Variants in THADA observed in about 807,000 individuals in gnomAD.
The protein encoded by THADA is THADA armadillo repeat containing, also known as tRNA (32-2'-O)-methyltransferase regulator THADA.
In THADA, 213 loss-of-function variants were observed where a neutral mutation model predicts 219.8. The observed-to-expected ratio is 0.97, with a 90% CI of 0.87 to 1.09. The LOEUF is 1.09. Among genes scored for constraint, THADA ranks in the 50% least tolerant of loss-of-function variants. The pLI is 0.00. For synonymous variants in THADA, 1,018 were observed against 828.9 expected, an observed-to-expected ratio of 1.23 and a Z score of -3.92; for missense variants, 2,956 against 2,311.3, an observed-to-expected ratio of 1.28 and a Z score of -5.72.
intron 22 of THADA, among the ~76,000 whole-genome samples, chr2:43,511,970 C>A (rs1026251643): frequency 6.6e-6 from 1 of 152,088 alleles, no homozygotes; most frequent in Non-Finnish European, 1.5e-5. Context: ...AGAGGCAATT[C>A]CCTAATTTAA....
chr2:43,510,688 C>A (rs927340594), intron 22 of THADA, among the ~76,000 whole-genome samples: 1 of 150,220 alleles, frequency 6.7e-6, no homozygotes, highest in East Asian at 1.9e-4. Context: ...AAAATTGGGC[C>A]GGGTGAGCAC....
At chr2:43,420,449 C>G (rs925191782) in intron 28 of THADA, among the ~76,000 whole-genome samples, 12 of 152,192 alleles carry the variant, frequency 7.9e-5, no homozygotes, top group African/African-American at 2.9e-4. Flanking sequence ...ATTCTAACTT[C>G]TAGTATGAAT....
At chr2:43,417,710 C>G (rs1677171810) in intron 28 of THADA, among the ~76,000 whole-genome samples, 1 of 152,132 alleles carries the variant, frequency 6.6e-6, no homozygotes, top group Non-Finnish European at 1.5e-5. Context: ...TGAGCAAAAG[C>G]AAGTATTACA....
At chr2:43,498,247 G>T (rs1396945456) in intron 25 of THADA, among the ~76,000 whole-genome samples, 1 of 152,122 alleles carries the variant, frequency 6.6e-6, no homozygotes, top group African/African-American at 2.4e-5. Flanking sequence ...ATGGGAGTTA[G>T]TGTTTAATGA....
chr2:43,445,728 C>T (rs778710871), intron 26 of THADA, among the ~76,000 whole-genome samples: 3 of 152,098 alleles, frequency 2.0e-5, no homozygotes, highest in Non-Finnish European at 4.4e-5. Flanking sequence ...GCTAAGAGTG[C>T]GGTAGCACAG....
Position 43,551,769 on chromosome 2 carries a change from G to A in THADA, c.2947+20C>T, listed in dbSNP as rs1303546660. On this transcript the variant is annotated intron_variant, in intron 19 of 37. Coordinates refer to ENST00000405975, the MANE Select transcript of THADA (RefSeq NM_022065.5). ...ATAATCAAACCACAGCACTCTAGCC[G>A]GCCTTCTTCATTTGCTAACCTGAAT... 1.0e-5 allele frequency: 16 copies of A among 1,606,194 alleles called. No individual in the cohort carries two copies. Among genetic ancestry groups the A allele is most frequent in the East Asian group, 2.2e-5 (1 of 44,782 alleles).
intron 26 of THADA, among the ~76,000 whole-genome samples, chr2:43,448,429 T>C (rs1225578113): frequency 6.6e-6 from 1 of 152,154 alleles, no homozygotes; most frequent in Non-Finnish European, 1.5e-5. Flanking sequence ...TGGTTGCTGT[T>C]CTGATCTTGG....
chr2:43,272,450 T>C lies in THADA; in HGVS notation c.5296+7315A>G, dbSNP rs35800486. Reference sequence around the variant, plus strand: ...CTTGGACTAGCACATGAAACAAGCCTGGCGGACAGGCACTTTCTAAGTATT... The same window carrying C: ...CTTGGACTAGCACATGAAACAAGCCCGGCGGACAGGCACTTTCTAAGTATT... On this transcript the variant is annotated intron_variant, in intron 36 of 37. Coordinates refer to ENST00000405975, the MANE Select transcript of THADA (RefSeq NM_022065.5). 8.1e-3 allele frequency among the ~76,000 whole-genome samples: 1,230 copies of C among 152,274 alleles called. 10 individuals are homozygous for C. Among genetic ancestry groups the C allele is most frequent in the Middle Eastern group, 0.024 (7 of 294 alleles).
chr2:43,591,826 T>A (rs1701612010), intron 3 of THADA, 126 bp downstream of exon 3: 1 of 546,182 alleles, frequency 1.8e-6, no homozygotes, highest in South Asian at 4.8e-5. Context: ...AAAAAAAAAA[T>A]ACTTATTTGC....
intron 31 of THADA, among the ~76,000 whole-genome samples, chr2:43,293,450 A>C (rs940844972): frequency 6.6e-6 from 1 of 152,148 alleles, no homozygotes; most frequent in Admixed American, 6.5e-5. Flanking sequence ...TACTATTAGA[A>C]AATGCGTTCC....
At chr2:43,475,219 C>A (rs778754738) in intron 26 of THADA, among the ~76,000 whole-genome samples, 8 of 151,990 alleles carry the variant, frequency 5.3e-5, no homozygotes, top group Non-Finnish European at 1.0e-4. Context: ...GAATTTGAGA[C>A]CAGCCTGGGC....
chr2:43,476,599 A>G (rs1685578400), intron 26 of THADA, among the ~76,000 whole-genome samples: 1 of 152,210 alleles, frequency 6.6e-6, no homozygotes, highest in Admixed American at 6.5e-5. Flanking sequence ...ATGTTAACAG[A>G]CGGTGCTATT....
At chr2:43,303,535 C>G (rs1289980777) in intron 31 of THADA, among the ~76,000 whole-genome samples, 2 of 151,758 alleles carry the variant, frequency 1.3e-5, no homozygotes, top group Non-Finnish European at 2.9e-5. Flanking sequence ...TTCACCTTTG[C>G]TCTTCTGAGC....
In THADA at chr2:43,549,443, C is replaced by CA. The variant is rs1696490857; in HGVS notation, c.2948-76dup. Reference sequence around the variant, plus strand: ...CAGATTTCCCTTGGGGATGCTTACTCAAAAAATCTATAATTTTCAATACTT... The same window carrying CA: ...CAGATTTCCCTTGGGGATGCTTACTCAAAAAAATCTATAATTTTCAATACTT... On this transcript the variant is annotated intron_variant, in intron 19 of 37. Coordinates refer to ENST00000405975, the MANE Select transcript of THADA (RefSeq NM_022065.5). The CA allele has an allele frequency of 7.8e-6, 11 of 1,418,582 alleles. 1 individual carries two copies. In the South Asian group the frequency reaches 9.7e-5, roughly 13 times the overall value. 87.9% of individuals were successfully genotyped at this position (1,418,582 alleles called of 1,614,324 possible). A position where few individuals can be genotyped will look rare whatever the true frequency, so the allele number is the denominator to read the frequency against.
At chr2:43,453,583 T>A (rs970201952) in intron 26 of THADA, among the ~76,000 whole-genome samples, 2 of 152,188 alleles carry the variant, frequency 1.3e-5, no homozygotes, top group Non-Finnish European at 2.9e-5. Flanking sequence ...ATGAAATTTA[T>A]TAAGTTAGAT....
chr2:43,414,691 G>A (rs144215453), intron 28 of THADA, among the ~76,000 whole-genome samples: 4 of 152,266 alleles, frequency 2.6e-5, no homozygotes, highest in African/African-American at 9.6e-5. Context: ...CAAATGAACA[G>A]GATATAAACA....
chr2:43,468,636 G>A (rs1384827440), intron 26 of THADA, among the ~76,000 whole-genome samples: 2 of 152,156 alleles, frequency 1.3e-5, no homozygotes, highest in Non-Finnish European at 2.9e-5. Flanking sequence ...TTTACACAGC[G>A]CTTTAGGATG....
chr2:43,294,589 G>C (rs975247984), intron 31 of THADA, among the ~76,000 whole-genome samples: 16 of 152,180 alleles, frequency 1.1e-4, no homozygotes, highest in Non-Finnish European at 1.5e-5. Flanking sequence ...GAAGCAGCTA[G>C]TTCTGTATGC....
chr2:43,308,531 C>T (rs1212544030), intron 31 of THADA, among the ~76,000 whole-genome samples: 1 of 151,868 alleles, frequency 6.6e-6, no homozygotes, highest in Admixed American at 6.6e-5. Flanking sequence ...ATAGTGAGAC[C>T]TTGTCTTTAC....
Sources: gnomAD v4.1 joint callset for allele counts (sites outside exome capture counted in the v4.1 genomes callset) on GRCh38, gnomAD v4.1.1 for gene constraint, MANE v1.5 for transcripts, NCBI Gene and HGNC (gene_info 2026-07-23, HGNC 2026-07-21) for gene names.